ATG16L1: variants seen among roughly 807,000 people sequenced by gnomAD.
ATG16L1 encodes the protein autophagy related 16 like 1, also known as autophagy-related protein 16-1.
A neutral mutation model predicts 88.5 loss-of-function variants in ATG16L1; 37 were observed. The observed-to-expected ratio is 0.42, with a 90% CI of 0.32 to 0.55. The LOEUF (loss-of-function observed/expected upper bound fraction) is 0.55. Among genes scored for constraint, ATG16L1 ranks in the 20% least tolerant of loss-of-function variants. The probability of loss-of-function intolerance (pLI) is 0.13; values close to 1 mark genes in which losing one functional copy is unlikely to be tolerated. For missense variants in ATG16L1, 554 were observed against 752.8 expected (o/e 0.74, Z 3.09); for synonymous variants, 301 against 281.0 (o/e 1.07, Z -0.71).
In ATG16L1 at chr2:233,293,289, T is replaced by C; in HGVS notation, c.1662T>C (p.Ala554=). 1 of 1,614,216 alleles carries C rather than the reference T, an allele frequency of 6.2e-7. No individual in the cohort carries two copies. ...GCAGTTACGTGGCGGCAGGCTCTGC[T>C]GAGGGCTCTCTGTATATCTGGAGTG... The part of the protein sequence containing the change: ...PDGSYVAAGS[A]EGSLYIWSVL... Residue 554 remains alanine (A), a synonymous_variant, in exon 17 of 18, where the codon GCT becomes GCC. Transcript: ENST00000392017.
At chr2:233,272,805 G>A (rs933621914) in intron 6 of ATG16L1, among the ~76,000 whole-genome samples, 161 bp from the exon 7 acceptor site, 11 of 152,238 alleles carry the variant, frequency 7.2e-5, no homozygotes, top group African/African-American at 2.2e-4. Flanking sequence ...GTGTTGTTCA[G>A]AACATGGCAG....
rs1696374129 is a variant in ATG16L1, at chr2:233,251,682, C to G, written c.-146C>G. 5.8e-6 allele frequency: 4 copies of G among 684,728 alleles called. No individual in the cohort carries two copies. The highest frequency in any genetic ancestry group is 3.4e-5 in the South Asian group (2 of 59,222). The allele number at this position is 684,728 out of a possible 1,614,324, so 42.4% of individuals were successfully genotyped here. ...TCCGGCATGAGCCGGAAGACCGTCC[C>G]GGATGGCCTCGGGGACTGCCAGTGT... On this transcript the variant is annotated 5_prime_UTR_variant, in exon 1 of 18. Coordinates refer to ENST00000392017, the MANE Select transcript of ATG16L1 (RefSeq NM_030803.7).
At chr2:233,279,397 T>G (rs1037465237) in intron 10 of ATG16L1, among the ~76,000 whole-genome samples, 2 of 152,228 alleles carry the variant, frequency 1.3e-5, no homozygotes, top group Non-Finnish European at 2.9e-5. Flanking sequence ...AAGTTAATAC[T>G]GACATAATCT....
chr2:233,288,755 A>G (rs745329124), intron 12 of ATG16L1: 1 of 519,040 alleles, frequency 1.9e-6, no homozygotes, highest in South Asian at 1.4e-5. Flanking sequence ...CCTCTCCTCC[A>G]TCGCACTTCA....
At chr2:233,287,079 A>G (rs1699138525) in intron 12 of ATG16L1, among the ~76,000 whole-genome samples, 1 of 152,202 alleles carries the variant, frequency 6.6e-6, no homozygotes, top group African/African-American at 2.4e-5. Context: ...CTGCAACAGC[A>G]TCTGTGACAG....
intron 9 of ATG16L1, chr2:233,275,601 A>G (rs1013392827): frequency 1.9e-5 from 8 of 430,742 alleles, no homozygotes; most frequent in Admixed American, 1.0e-4. Flanking sequence ...TGGCTGAGTG[A>G]TGAACTGCCT....
chr2:233,269,410 T>C (rs554556686), intron 5 of ATG16L1, among the ~76,000 whole-genome samples: 1 of 152,106 alleles, frequency 6.6e-6, no homozygotes, highest in Non-Finnish European at 1.5e-5. Flanking sequence ...TCCACAATGC[T>C]CCAGAATCTG....
intron 12 of ATG16L1, 200 bp downstream of exon 12, chr2:233,282,953 C>G (rs1698814705): frequency 1.9e-6 from 1 of 532,300 alleles, no homozygotes; most frequent in African/African-American, 1.9e-5. Flanking sequence ...AAAATATTTG[C>G]AATGGGACCC....
At chr2:233,260,241 C>G (rs984097969) in intron 2 of ATG16L1, among the ~76,000 whole-genome samples, 4 of 152,228 alleles carry the variant, frequency 2.6e-5, no homozygotes, top group African/African-American at 9.7e-5. Context: ...TAAAATCAAA[C>G]TCTTCAGCCT....
intron 9 of ATG16L1, chr2:233,275,428 G>A (rs559791768): frequency 9.5e-6 from 3 of 316,548 alleles, no homozygotes; most frequent in Admixed American, 4.1e-5. Flanking sequence ...AACCTGGAGA[G>A]TTGGACTGAC....
chr2:233,253,266 TGGA>T (rs548334968), intron 1 of ATG16L1, among the ~76,000 whole-genome samples: 79 of 151,180 alleles, frequency 5.2e-4, no homozygotes, highest in African/African-American at 1.9e-3. Context: ...TTTTCACACA[TGGA>T]ACTGAGGCCA....
Position 233,294,690 on chromosome 2 carries a change from A to C in ATG16L1, c.*340A>C. On this transcript the variant is annotated 3_prime_UTR_variant, in exon 18 of 18. Transcript: ENST00000392017. Reference sequence around the variant, plus strand: ...CCTCCTCACCAACGGCAGTGCCAAAATCAGCCCCCACATCAAGGTGGTGTT... The same window carrying C: ...CCTCCTCACCAACGGCAGTGCCAAACTCAGCCCCCACATCAAGGTGGTGTT... 1 of 187,892 alleles carries C rather than the reference A, an allele frequency of 5.3e-6. No homozygotes were observed. Among genetic ancestry groups the C allele is most frequent in the Non-Finnish European group, 1.1e-5 (1 of 90,798 alleles). 11.6% of individuals were successfully genotyped at this position (187,892 alleles called of 1,614,324 possible).
At chr2:233,288,566 G>A (rs1295111283) in intron 12 of ATG16L1, 1 of 340,702 alleles carries the variant, frequency 2.9e-6, no homozygotes, top group African/African-American at 2.2e-5. Context: ...ACCAGTGTGA[G>A]CCACTTTGCC....
At chr2:233,273,696 A>T in intron 7 of ATG16L1, 25 bp from the exon 8 acceptor site, 1 of 1,612,064 alleles carries the variant, frequency 6.2e-7, no homozygotes, top group Non-Finnish European at 8.5e-7. Context: ...TCTAAGGTTT[A>T]AACCTATCCT....
At chr2:233,255,786 A>G (rs981343912) in intron 1 of ATG16L1, among the ~76,000 whole-genome samples, 1 of 152,194 alleles carries the variant, frequency 6.6e-6, no homozygotes, top group African/African-American at 2.4e-5. Context: ...CCCTGACCTA[A>G]AAAGTAATTA....
intron 10 of ATG16L1, 52 bp from the exon 11 acceptor site, chr2:233,281,053 T>G: frequency 5.7e-6 from 7 of 1,227,820 alleles, no homozygotes; most frequent in Non-Finnish European, 8.2e-6. Flanking sequence ...TTTTAATGTA[T>G]TTATTGGCTT....
intron 6 of ATG16L1, among the ~76,000 whole-genome samples, chr2:233,271,567 C>T (rs1030786398): frequency 4.6e-5 from 7 of 152,246 alleles, no homozygotes; most frequent in African/African-American, 1.4e-4. Context: ...CATGAGCCAC[C>T]GAGCCCGGCC....
At chr2:233,252,060 C>G in intron 1 of ATG16L1, 118 bp downstream of exon 1, 2 of 783,736 alleles carry the variant, frequency 2.6e-6, no homozygotes, top group Non-Finnish European at 3.7e-6. Flanking sequence ...GGCGGCCGCC[C>G]CGGGTAACCC....
At chr2:233,268,504 T>TAAC (rs1002625197) in intron 5 of ATG16L1, among the ~76,000 whole-genome samples, 5 of 152,222 alleles carry the variant, frequency 3.3e-5, no homozygotes, top group Non-Finnish European at 7.3e-5. Flanking sequence ...GAATCCCTGA[T>TAAC]AACAGGTGGT....
Sources: gnomAD v4.1 joint callset for allele counts (sites outside exome capture counted in the v4.1 genomes callset) on GRCh38, gnomAD v4.1.1 for gene constraint, MANE v1.5 for transcripts, NCBI Gene and HGNC (gene_info 2026-07-23, HGNC 2026-07-21) for gene names.